Variants in CD300A observed in about 807,000 individuals in gnomAD.
CD300A encodes the protein CD300a molecule.
In CD300A, 22 loss-of-function variants were observed where a neutral mutation model predicts 33.6. The ratio of observed to expected loss-of-function variants is 0.66; its 90% CI spans 0.47 to 0.94. The LOEUF (loss-of-function observed/expected upper bound fraction) is 0.94. Among genes scored for constraint, CD300A ranks in the 40% least tolerant of loss-of-function variants. The pLI, the probability that CD300A is intolerant of heterozygous loss-of-function variation, is 0.00. For synonymous variants in CD300A, 136 were observed against 148.1 expected (o/e 0.92, Z 0.59); for missense variants, 326 against 360.5 (o/e 0.90, Z 0.77).
chr17:74,482,732 T>TCCTTCCTTCCTTTCC (rs1555639394), intron 6 of CD300A, among the ~76,000 whole-genome samples: 1 of 132,942 alleles, frequency 7.5e-6, no homozygotes, highest in African/African-American at 3.8e-5. Flanking sequence ...CTTTCTTTCT[T>TCCTTCCTTCCTTTCC]TGGAATCTCG....
chr17:74,467,409 T>TGGGACAGAG (rs1480442519), intron 1 of CD300A, among the ~76,000 whole-genome samples: 1 of 151,354 alleles, frequency 6.6e-6, no homozygotes, highest in Non-Finnish European at 1.5e-5. Context: ...GAAGGGGATA[T>TGGGACAGAG]GGGACAGAGG....
At chr17:74,482,732 T>TTCCTTCCTTCCTTCCTTCCTTCC in intron 6 of CD300A, among the ~76,000 whole-genome samples, 1 of 133,044 alleles carries the variant, frequency 7.5e-6, no homozygotes, top group African/African-American at 3.8e-5. Flanking sequence ...CTTTCTTTCT[T>TTCCTTCCTTCCTTCCTTCCTTCC]TGGAATCTCG....
At position 74,484,018 on chromosome 17, in the gene CD300A, A is replaced by G; in HGVS notation, c.792A>G (p.Glu264=). The change falls in exon 7 of 7, where the codon GAA becomes GAG. Residue 264 remains glutamate (E), a synonymous_variant. Transcript: ENST00000360141. ...CTCTGCAGGCCTCCCCCAGGGAAGA[A>G]CTTCACTATGCCTCGGTGGTGTTTG... ...EYSTVASPRE[E]LHYASVVFDS... The G allele has an allele frequency of 1.2e-6, 2 of 1,613,482 alleles. No individual in the cohort carries two copies. The highest frequency in any genetic ancestry group is 1.7e-6 in the Non-Finnish European group (2 of 1,179,744).
intron 2 of CD300A, 94 bp from the exon 3 acceptor site, chr17:74,474,438 G>A (rs1307661002): frequency 7.8e-7 from 1 of 1,276,894 alleles, no homozygotes; most frequent in African/African-American, 1.5e-5. Context: ...TTCCTTAGTG[G>A]GCAGTTTGTG....
intron 3 of CD300A, among the ~76,000 whole-genome samples, chr17:74,477,170 C>T (rs77622150): frequency 0.02 from 3,084 of 151,890 alleles, 54 homozygotes; most frequent in Non-Finnish European, 0.026. Flanking sequence ...AGTCTGAGAC[C>T]ATCCTGGGCA....
chr17:74,467,028 T>C (rs1448734754), intron 1 of CD300A: 2 of 1,316,140 alleles, frequency 1.5e-6, no homozygotes, highest in Admixed American at 3.4e-5. Context: ...AGGTTTTCAG[T>C]TGAATTCTTA....
chr17:74,477,540 C>T lies in CD300A; in HGVS notation c.628+10C>T, dbSNP rs1228213994. The T allele has an allele frequency of 8.7e-6, 14 of 1,602,962 alleles. No homozygotes were observed. The highest frequency in any genetic ancestry group is 1.3e-5 in the African/African-American group (1 of 74,618). On this transcript the variant is annotated intron_variant, in intron 4 of 6. Coordinates refer to ENST00000360141, the MANE Select transcript of CD300A (RefSeq NM_007261.4). ...CAGAAATGGATCAAAGGTGAGTTGG[C>T]TCCCCACACCCCTCTGCCCCACCTG...
In CD300A at chr17:74,473,481, A is replaced by C. The variant is rs921415010; in HGVS notation, c.41-55A>C. On this transcript the variant is annotated intron_variant, in intron 1 of 6. Transcript: ENST00000360141. ...GTCCATGCGGCCCTGACCCCAGGGCACCCCTGACCAGGCTCATCTGAGGAG... is the reference window on the plus strand; with the variant it reads ...GTCCATGCGGCCCTGACCCCAGGGCCCCCCTGACCAGGCTCATCTGAGGAG... 3.4e-5 allele frequency: 52 copies of C among 1,540,796 alleles called. No homozygotes were observed. The Admixed American group carries it at 9.1e-4, about 27-fold the overall frequency.
At chr17:74,477,093 A>G (rs1906516809) in intron 3 of CD300A, among the ~76,000 whole-genome samples, 1 of 152,140 alleles carries the variant, frequency 6.6e-6, no homozygotes, top group African/African-American at 2.4e-5. Context: ...GAGACCAGGT[A>G]TATTGGCTCA....
At chr17:74,467,047 G>C (rs1905758559) in intron 1 of CD300A, 1 of 1,247,926 alleles carries the variant, frequency 8.0e-7, no homozygotes, top group South Asian at 1.9e-5. Context: ...TACAGGAAGG[G>C]GGACGAGAGG....
chr17:74,467,114 T>C, intron 1 of CD300A: 1 of 627,858 alleles, frequency 1.6e-6, no homozygotes, highest in Non-Finnish European at 2.0e-6. Context: ...GGGCATGTGG[T>C]GAGGGTGGGG....
chr17:74,482,312 G>A (rs1003021320), intron 6 of CD300A, among the ~76,000 whole-genome samples: 4 of 151,906 alleles, frequency 2.6e-5, no homozygotes, highest in African/African-American at 9.7e-5. Context: ...GCAGAAGCTG[G>A]GGGTCACTTG....
At position 74,480,799 on chromosome 17, in the gene CD300A, G is replaced by A. The variant is rs1486612793; in HGVS notation, c.629-490G>A. 1.3e-5 allele frequency among the ~76,000 whole-genome samples: 2 copies of A among 152,236 alleles called. No individual in the cohort carries two copies. Among genetic ancestry groups the A allele is most frequent in the South Asian group, 2.1e-4 (1 of 4,826 alleles). ...GTCTTGCTCTGTTGCCCAGGCTGGA[G>A]TGCAGTGGCATGATCTCAGCTCACT... On this transcript the variant is annotated intron_variant, in intron 4 of 6. Transcript: ENST00000360141. The surrounding 1 kb of genome is among the most constrained non-coding windows in gnomAD (Gnocchi z 4.2).
intron 1 of CD300A, chr17:74,469,857 C>A: frequency 1.9e-6 from 1 of 540,080 alleles, no homozygotes; most frequent in Non-Finnish European, 2.4e-6. Flanking sequence ...TAATCATTTA[C>A]CCCTTACAAA....
intron 1 of CD300A, among the ~76,000 whole-genome samples, chr17:74,467,179 G>A (rs1343840984): frequency 1.4e-5 from 2 of 137,998 alleles, no homozygotes; most frequent in South Asian, 2.5e-4. Flanking sequence ...TGGGGAGGGT[G>A]GGGGAGATGC....
rs993440621 is a variant in CD300A at position 74,480,985 on chromosome 17, G to A, written c.629-304G>A. Among the ~76,000 whole-genome samples the A allele has an allele frequency of 6.6e-6, 1 of 152,194 alleles. No homozygotes were observed. Among genetic ancestry groups the A allele is most frequent in the Non-Finnish European group, 1.5e-5 (1 of 68,044 alleles). On this transcript the variant is annotated intron_variant, in intron 4 of 6. Transcript: ENST00000360141. The surrounding 1 kb of genome is among the most constrained non-coding windows in gnomAD (Gnocchi z 4.2). ...GCTGGTCTCGAACTCCTGACCTCAA[G>A]TGATCTGCCCTCCTCGGCTTCCCAA...
chr17:74,471,069 C>T (rs568285259), intron 1 of CD300A, among the ~76,000 whole-genome samples: 1 of 152,320 alleles, frequency 6.6e-6, no homozygotes, highest in South Asian at 2.1e-4. Context: ...ACCTCAGCCT[C>T]CTGAGTAGCT....
rs1363180643 is a variant in CD300A at position 74,467,520 on chromosome 17, C to CA, written c.40+779dup. Among the ~76,000 whole-genome samples the CA allele has an allele frequency of 2.0e-5, 3 of 152,124 alleles. No individual in the cohort carries two copies. The East Asian group carries it at 5.8e-4, about 29-fold the overall frequency. On this transcript the variant is annotated intron_variant, in intron 1 of 6. Coordinates refer to ENST00000360141, the MANE Select transcript of CD300A (RefSeq NM_007261.4). ...AGCGTGGAGTTGAGTCTTCCCTGTCCAAGCGCAGGGATTCCTCCCGCAGAG... is the reference window on the plus strand; with the variant it reads ...AGCGTGGAGTTGAGTCTTCCCTGTCCAAAGCGCAGGGATTCCTCCCGCAGAG...
intron 2 of CD300A, 99 bp from the exon 3 acceptor site, chr17:74,474,433 T>TAAGGA: frequency 8.2e-7 from 1 of 1,213,644 alleles, no homozygotes; most frequent in Non-Finnish European, 1.2e-6. Flanking sequence ...CCCCCTTCCT[T>TAAGGA]AGTGGGCAGT....
Sources: gnomAD v4.1 joint callset for allele counts (sites outside exome capture counted in the v4.1 genomes callset) on GRCh38, gnomAD v4.1.1 for gene constraint, Gnocchi (gnomAD v3.1) non-coding constraint, MANE v1.5 for transcripts, NCBI Gene and HGNC (gene_info 2026-07-23, HGNC 2026-07-21) for gene names.